MAGI1: variants seen among roughly 807,000 people sequenced by gnomAD.
MAGI1 encodes the protein membrane associated guanylate kinase, WW and PDZ domain containing 1.
MAGI1 carries 58 observed loss-of-function variants against 139.9 expected under a neutral mutation model. The observed-to-expected ratio is 0.41, with a 90% CI of 0.34 to 0.52. The LOEUF (loss-of-function observed/expected upper bound fraction) is 0.52, where lower values mean the gene tolerates loss of function less well. Among genes scored for constraint, MAGI1 ranks in the 20% least tolerant of loss-of-function variants. The pLI, the probability that MAGI1 is intolerant of heterozygous loss-of-function variation, is 0.12. For synonymous variants in MAGI1, 812 were observed against 737.9 expected, an observed-to-expected ratio of 1.10 and a Z score of -1.63; for missense variants, 1,874 against 1,901.6, an observed-to-expected ratio of 0.99 and a Z score of 0.27.
At chr3:65,772,879 G>A (rs1457039272) in intron 1 of MAGI1, among the ~76,000 whole-genome samples, 2 of 152,154 alleles carry the variant, frequency 1.3e-5, no homozygotes, top group Non-Finnish European at 2.9e-5. Flanking sequence ...AACAGCATGT[G>A]AATTTAAGGA....
At chr3:65,852,239 T>C (rs1463519174) in intron 1 of MAGI1, among the ~76,000 whole-genome samples, 1 of 152,158 alleles carries the variant, frequency 6.6e-6, no homozygotes, top group African/African-American at 2.4e-5. Flanking sequence ...TTCCACAAGG[T>C]AACAAGGTAG....
chr3:65,609,693 T>C (rs9860933), intron 2 of MAGI1: 11,708 of 199,050 alleles, frequency 0.059, 373 homozygotes, highest in African/African-American at 0.092. Flanking sequence ...CAGGTGATCC[T>C]CCCACCTCAG....
chr3:65,866,434 A>G (rs907274170), intron 1 of MAGI1, among the ~76,000 whole-genome samples: 2 of 151,988 alleles, frequency 1.3e-5, no homozygotes, highest in Admixed American at 6.6e-5. Flanking sequence ...AAGAAAAAGG[A>G]AAAGAAAATC....
intron 1 of MAGI1, among the ~76,000 whole-genome samples, chr3:65,906,564 A>G (rs1387830863): frequency 1.3e-5 from 2 of 152,184 alleles, no homozygotes; most frequent in Non-Finnish European, 2.9e-5. Flanking sequence ...AAAGACAAAG[A>G]AAAGTTTCAA....
chr3:65,391,029 T>C, intron 14 of MAGI1, 113 bp downstream of exon 14: 1 of 905,902 alleles, frequency 1.1e-6, no homozygotes, highest in Non-Finnish European at 1.7e-6. Flanking sequence ...ATCTTGCGGA[T>C]TTCACTTTAC....
chr3:65,823,076 A>C (rs988942199), intron 1 of MAGI1, among the ~76,000 whole-genome samples: 7 of 152,228 alleles, frequency 4.6e-5, no homozygotes, highest in African/African-American at 1.7e-4. Flanking sequence ...TTGACAACTA[A>C]GGTATTACAG....
chr3:65,671,856 A>T (rs1199245454), intron 1 of MAGI1, among the ~76,000 whole-genome samples: 1 of 152,156 alleles, frequency 6.6e-6, no homozygotes, highest in Non-Finnish European at 1.5e-5. Flanking sequence ...GTAATGACCA[A>T]AAAAAGTTCC....
chr3:65,547,920 A>G (rs964051992), intron 2 of MAGI1, among the ~76,000 whole-genome samples: 5 of 152,236 alleles, frequency 3.3e-5, no homozygotes, highest in African/African-American at 4.8e-5. Context: ...AAGGTCAACT[A>G]TGAAGTTCAT....
At chr3:65,811,977 C>T (rs1428278967) in intron 1 of MAGI1, among the ~76,000 whole-genome samples, 1 of 151,726 alleles carries the variant, frequency 6.6e-6, no homozygotes, top group African/African-American at 2.4e-5. Context: ...AGAGCGTGCA[C>T]TCGCAGCTAT....
At chr3:65,794,629 A>G (rs79459075) in intron 1 of MAGI1, among the ~76,000 whole-genome samples, 1,608 of 152,206 alleles carry the variant, frequency 0.011, 30 homozygotes, top group African/African-American at 0.037. Flanking sequence ...TCTGCTGTGT[A>G]GAGCCTAGGG....
intron 5 of MAGI1, among the ~76,000 whole-genome samples, chr3:65,454,021 G>A (rs1949213378): frequency 6.6e-6 from 1 of 152,064 alleles, no homozygotes; most frequent in Non-Finnish European, 1.5e-5. Flanking sequence ...ATGGTGACTG[G>A]GGCCCTGCAG....
intron 1 of MAGI1, among the ~76,000 whole-genome samples, chr3:65,628,436 T>C (rs2084101949): frequency 6.6e-6 from 1 of 151,950 alleles, no homozygotes; most frequent in Admixed American, 6.6e-5. Context: ...CCAAGTGTCA[T>C]CTCCAAATGG....
chr3:65,392,518 G>A (rs1944012315), intron 13 of MAGI1, among the ~76,000 whole-genome samples: 1 of 152,042 alleles, frequency 6.6e-6, no homozygotes, highest in Non-Finnish European at 1.5e-5. Context: ...CTTTATAAGA[G>A]CTTTGACCTT....
At chr3:65,421,960 C>G (rs1296279623) in intron 12 of MAGI1, among the ~76,000 whole-genome samples, 1 of 152,130 alleles carries the variant, frequency 6.6e-6, no homozygotes, top group Non-Finnish European at 1.5e-5. Flanking sequence ...AAAATAAATC[C>G]ATTAACTATG....
At chr3:65,846,823 T>C (rs1246252620) in intron 1 of MAGI1, among the ~76,000 whole-genome samples, 3 of 152,044 alleles carry the variant, frequency 2.0e-5, no homozygotes, top group Non-Finnish European at 4.4e-5. Context: ...CCACATTGCC[T>C]CTGTGAGGAA....
rs72908286 is a variant in MAGI1 at position 65,781,757 on chromosome 3, C to T, written c.314-159669G>A. 8.0e-3 allele frequency among the ~76,000 whole-genome samples: 1,224 copies of T among 152,284 alleles called. 16 individuals are homozygous for T. Among genetic ancestry groups the T allele is most frequent in the African/African-American group, 0.028 (1,150 of 41,554 alleles). ...ACATCTATAATAATAACAGCTACCACGGAAGAGATTTGCTAAAGGTTTCTA... is the reference window on the plus strand; with the variant it reads ...ACATCTATAATAATAACAGCTACCATGGAAGAGATTTGCTAAAGGTTTCTA... On this transcript the variant is annotated intron_variant, in intron 1 of 22. Transcript: ENST00000402939.
chr3:65,389,178 T>C (rs1254063639), intron 14 of MAGI1, among the ~76,000 whole-genome samples: 1 of 152,120 alleles, frequency 6.6e-6, no homozygotes, highest in Non-Finnish European at 1.5e-5. Flanking sequence ...CTGAGCAACT[T>C]CAGTACTTAC....
intron 1 of MAGI1, among the ~76,000 whole-genome samples, chr3:65,704,168 C>A (rs935504931): frequency 6.6e-6 from 1 of 152,206 alleles, no homozygotes; most frequent in Non-Finnish European, 1.5e-5. Context: ...CCAAGTCCAG[C>A]TGGCTATCTG....
At chr3:65,502,038 C>A (rs2077101741) in intron 2 of MAGI1, among the ~76,000 whole-genome samples, 1 of 152,134 alleles carries the variant, frequency 6.6e-6, no homozygotes, top group African/African-American at 2.4e-5. Flanking sequence ...GTGGGAGCAG[C>A]ACAGGTAATT....
Sources: gnomAD v4.1 joint callset for allele counts (sites outside exome capture counted in the v4.1 genomes callset) on GRCh38, gnomAD v4.1.1 for gene constraint, MANE v1.5 for transcripts, NCBI Gene and HGNC (gene_info 2026-07-23, HGNC 2026-07-21) for gene names.